KIN: variants seen among roughly 807,000 people sequenced by gnomAD.
The protein encoded by KIN is Kin17 DNA and RNA binding protein, also known as DNA/RNA-binding protein KIN17.
Under a neutral mutation model 63.0 loss-of-function variants are expected in KIN, and 47 were observed. That is an observed-to-expected ratio of 0.75 (90% CI 0.59 to 0.95). KIN has a LOEUF of 0.95. Ranked by LOEUF, KIN falls within the 40% of genes least tolerant of loss-of-function variation. The probability of loss-of-function intolerance (pLI) is 0.00; values close to 1 mark genes in which losing one functional copy is unlikely to be tolerated. For missense variants in KIN, 408 were observed against 460.9 expected (o/e 0.89, Z 1.05); for synonymous variants, 160 against 157.7 (o/e 1.01, Z -0.11).
At chr10:7,774,026 T>C (rs1406915359) in intron 7 of KIN, among the ~76,000 whole-genome samples, 1 of 152,244 alleles carries the variant, frequency 6.6e-6, no homozygotes, top group African/African-American at 2.4e-5. Context: ...CCACCGGCTT[T>C]TGTAAATAAA....
chr10:7,776,853 G>A (rs1054448489), intron 5 of KIN, among the ~76,000 whole-genome samples: 1 of 150,594 alleles, frequency 6.6e-6, no homozygotes, highest in African/African-American at 2.4e-5. Flanking sequence ...CCAGGAGTTC[G>A]AGACCAGCTT....
In KIN at chr10:7,780,099, C is replaced by T. The variant is rs770869738; in HGVS notation, c.333G>A (p.Gln111=). ...HREHIHMNAT[Q]WETLTDFTKW... Reference sequence around the variant, plus strand: ...TAGTAAAATCAGTCAGAGTTTCCCACTGAGTGGCATTCATGTGGATGTGCT... The same window carrying T: ...TAGTAAAATCAGTCAGAGTTTCCCATTGAGTGGCATTCATGTGGATGTGCT... Residue 111 remains glutamine (Q), a synonymous_variant, in exon 4 of 13, where the codon CAG becomes CAA. Transcript: ENST00000379562. 1 of 1,613,300 alleles carries T rather than the reference C, an allele frequency of 6.2e-7. No individual in the cohort carries two copies. The highest frequency in any genetic ancestry group is 1.1e-5 in the South Asian group (1 of 91,040).
At chr10:7,782,241 A>C (rs919715991) in intron 2 of KIN, among the ~76,000 whole-genome samples, 3 of 152,148 alleles carry the variant, frequency 2.0e-5, no homozygotes, top group Non-Finnish European at 4.4e-5. Flanking sequence ...AGAGATGGTA[A>C]GAAGCAAAGA....
chr10:7,767,443 C>T (rs1419347508), intron 8 of KIN, among the ~76,000 whole-genome samples: 1 of 152,170 alleles, frequency 6.6e-6, no homozygotes, highest in African/African-American at 2.4e-5. Flanking sequence ...TATACAGACC[C>T]GGGGGCTTGC....
chr10:7,769,266 G>C lies in KIN; in HGVS notation c.748C>G (p.Gln250Glu), dbSNP rs1344404432. 4.3e-6 allele frequency: 7 copies of C among 1,613,494 alleles called. No homozygotes were observed. The change falls in exon 8 of 13, where the codon CAG (glutamine) becomes GAG (glutamate). Residue 250 changes from glutamine (Q) to glutamate (E), a missense_variant. By Grantham distance (29) the Gln-to-Glu change is conservative. Around this residue, in one of 2 missense-constraint regions of KIN, gnomAD observed 298 missense variants for 296.0 expected, o/e 1.01. Transcript: ENST00000379562. The stretch of plus-strand genomic sequence containing the variant: ...TTCTTTTTCTTCTTTTCTTTAGACT[G>C]AGTTGAGCTCTGGGAAGATTCTTTT... ...KRKESSQSST[Q>E]SKEKKKKKSA...
rs1392572636 is a variant in KIN, at chr10:7,752,588, C to T, written c.*3492G>A. 1.3e-5 allele frequency: 2 copies of T among 152,202 alleles called. No individual in the cohort carries two copies. Among genetic ancestry groups the T allele is most frequent in the South Asian group, 2.1e-4 (1 of 4,832 alleles). 9.4% of individuals were successfully genotyped at this position (152,202 alleles called of 1,614,324 possible). ...GGTCGTTACGTAAATAAGTTGAAAA[C>T]GTCTATCCACAAAAAACCTGCGCAC... On this transcript the variant is annotated 3_prime_UTR_variant, in exon 13 of 13. Transcript: ENST00000379562.
intron 2 of KIN, among the ~76,000 whole-genome samples, 172 bp downstream of exon 2, chr10:7,782,909 G>T (rs45625033): frequency 0.33 from 49,667 of 152,066 alleles, 9,037 homozygotes; most frequent in Non-Finnish European, 0.41. Flanking sequence ...AAATAATTTT[G>T]TAACAGTTTT....
Position 7,762,497 on chromosome 10 carries a change from T to C in KIN, c.978A>G (p.Lys326=), listed in dbSNP as rs1056914867. The C allele has an allele frequency of 9.3e-6, 15 of 1,612,496 alleles. No homozygotes were observed. The highest frequency in any genetic ancestry group is 1.2e-5 in the Non-Finnish European group (14 of 1,179,036). Residue 326 remains lysine, a synonymous_variant, in exon 11 of 13, where the codon AAA becomes AAG. Coordinates refer to ENST00000379562, the MANE Select transcript of KIN (RefSeq NM_012311.4). ...VKMIDSGDKL[K]LDQTHLETVI... is the part of the protein sequence containing the mutation. ...CTGTCTCTAAATGAGTCTGGTCAAG[T>C]TTCAGCTTGTCTCCAGAATCAATCA...
At chr10:7,757,329 T>G (rs1588468577) in intron 12 of KIN, among the ~76,000 whole-genome samples, 1 of 151,828 alleles carries the variant, frequency 6.6e-6, no homozygotes, top group African/African-American at 2.4e-5. Flanking sequence ...TGAAACCCTA[T>G]CTCTACTAAA....
intron 11 of KIN, 108 bp downstream of exon 11, chr10:7,762,349 C>T: frequency 3.4e-6 from 2 of 583,466 alleles, no homozygotes; most frequent in African/African-American, 3.8e-5. Flanking sequence ...TTAATGCCGC[C>T]AAGACAGAAA....
At position 7,770,017 on chromosome 10, in the gene KIN, G is replaced by A. The variant is rs184176498; in HGVS notation, c.669-672C>T. ...GCGATCTTGGCTCATTGCAACCTCCGCCTCCCAGGTTCAAGCGATTCTCGT... is the reference window on the plus strand; with the variant it reads ...GCGATCTTGGCTCATTGCAACCTCCACCTCCCAGGTTCAAGCGATTCTCGT... On this transcript the variant is annotated intron_variant, in intron 7 of 12. Coordinates refer to ENST00000379562, the MANE Select transcript of KIN (RefSeq NM_012311.4). Among the ~76,000 whole-genome samples the A allele has an allele frequency of 7.2e-3, 1,091 of 152,136 alleles. 9 individuals are homozygous for A. The highest frequency in any genetic ancestry group is 0.025 in the African/African-American group (1,024 of 41,508).
At chr10:7,770,032 G>T (rs942770145) in intron 7 of KIN, among the ~76,000 whole-genome samples, 1 of 152,154 alleles carries the variant, frequency 6.6e-6, no homozygotes, top group African/African-American at 2.4e-5. Flanking sequence ...CCAGGTTCAA[G>T]CGATTCTCGT....
intron 9 of KIN, 40 bp downstream of exon 9, chr10:7,766,013 C>T (rs1448406701): frequency 1.4e-6 from 2 of 1,458,718 alleles, no homozygotes; most frequent in Non-Finnish European, 1.9e-6. Context: ...TTCACTTAAA[C>T]ATACATTTAG....
intron 8 of KIN, 192 bp from the exon 9 acceptor site, chr10:7,766,295 C>T (rs75846425): frequency 2.1e-6 from 1 of 476,060 alleles, no homozygotes; most frequent in Non-Finnish European, 3.7e-6. Context: ...TTAAAAAAAA[C>T]TTCAGTTTTT....
chr10:7,760,375 C>T (rs1223166934), intron 11 of KIN, among the ~76,000 whole-genome samples: 2 of 150,074 alleles, frequency 1.3e-5, no homozygotes, highest in African/African-American at 5.1e-5. Flanking sequence ...TAAACTTATA[C>T]CTAACATGTG....
intron 10 of KIN, among the ~76,000 whole-genome samples, chr10:7,763,255 C>T (rs1835473085): frequency 1.3e-5 from 2 of 151,994 alleles, no homozygotes; most frequent in African/African-American, 4.8e-5. Context: ...GACTCTGTCT[C>T]AGAAATAAAA....
chr10:7,761,318 G>T (rs74457548), intron 11 of KIN: 6 of 152,150 alleles, frequency 3.9e-5, no homozygotes, highest in Non-Finnish European at 5.9e-5. Flanking sequence ...ATAATAAGAA[G>T]TTCCAGAGAC....
chr10:7,767,473 A>C (rs1238577139), intron 8 of KIN, among the ~76,000 whole-genome samples: 2 of 152,192 alleles, frequency 1.3e-5, no homozygotes, highest in African/African-American at 4.8e-5. Context: ...AGCATGTAAC[A>C]GTGACTCAGT....
chr10:7,786,937 T>G (rs1836027418), intron 1 of KIN, among the ~76,000 whole-genome samples: 1 of 152,232 alleles, frequency 6.6e-6, no homozygotes, highest in Non-Finnish European at 1.5e-5. Flanking sequence ...AACACTGGAT[T>G]AGATTATTCC....
Sources: allele counts gnomAD v4.1 joint callset (sites outside exome capture counted in the v4.1 genomes callset), GRCh38; gene constraint gnomAD v4.1.1; regional missense constraint gnomAD v4.1.1; transcripts MANE v1.5; gene names NCBI Gene and HGNC (gene_info 2026-07-23, HGNC 2026-07-21).